Variants in KCTD15 observed in about 807,000 individuals in gnomAD.
KCTD15 encodes BTB/POZ domain-containing protein KCTD15.
In KCTD15, 11 loss-of-function variants were observed where a neutral mutation model predicts 27.2. That is an observed-to-expected ratio of 0.41 (90% CI 0.25 to 0.67). The LOEUF (loss-of-function observed/expected upper bound fraction) is 0.67. Ranked by LOEUF, KCTD15 falls within the 30% of genes least tolerant of loss-of-function variation. KCTD15 has a pLI of 0.35. For missense variants in KCTD15, 350 were observed against 409.3 expected (o/e 0.86, Z 1.25); for synonymous variants, 163 against 176.0 (o/e 0.93, Z 0.58).
chr19:33,805,674 C>T (rs1173330208), intron 4 of KCTD15, among the ~76,000 whole-genome samples: 1 of 152,212 alleles, frequency 6.6e-6, no homozygotes, highest in African/African-American at 2.4e-5. Context: ...GTGGCCCTGC[C>T]TGCTGAAGGA....
At chr19:33,805,763 T>C (rs1299202843) in intron 4 of KCTD15, among the ~76,000 whole-genome samples, 2 of 152,116 alleles carry the variant, frequency 1.3e-5, no homozygotes, top group Non-Finnish European at 2.9e-5. Context: ...CTCCCACCCC[T>C]CTTTAGGGTT....
chr19:33,801,151 T>C lies in KCTD15; in HGVS notation c.67-16T>C. On this transcript the variant is annotated splice_polypyrimidine_tract_variant and intron_variant, in intron 3 of 6. Transcript: ENST00000683859. Reference sequence around the variant, plus strand: ...CGCTTTGAAACTCTTGTGTTCCGCTTTGTTTCCATCTCTAGGAGGGAGGAA... The same window carrying C: ...CGCTTTGAAACTCTTGTGTTCCGCTCTGTTTCCATCTCTAGGAGGGAGGAA... 3 of 1,578,020 alleles carry C rather than the reference T, an allele frequency of 1.9e-6. No homozygotes were observed. The highest frequency in any genetic ancestry group is 2.6e-6 in the Non-Finnish European group (3 of 1,160,164).
At chr19:33,809,190 T>C (rs779844828) in intron 5 of KCTD15, among the ~76,000 whole-genome samples, 4 of 151,620 alleles carry the variant, frequency 2.6e-5, no homozygotes, top group Non-Finnish European at 4.4e-5. Flanking sequence ...GACAGGAGAA[T>C]TGCTTGAACC....
chr19:33,800,401 C>T (rs1975488705), intron 2 of KCTD15, 27 bp from the exon 3 acceptor site: 1 of 1,535,504 alleles, frequency 6.5e-7, no homozygotes, highest in South Asian at 1.2e-5. Flanking sequence ...AATAAGCCTT[C>T]TCTGGTTTTG....
intron 1 of KCTD15, among the ~76,000 whole-genome samples, chr19:33,798,032 C>T (rs287105): frequency 0.13 from 19,116 of 152,086 alleles, 1,556 homozygotes; most frequent in African/African-American, 0.23. Context: ...TTGGCCCAAG[C>T]CCTCTCCCGT....
At chr19:33,803,995 C>A (rs778125342) in intron 4 of KCTD15, among the ~76,000 whole-genome samples, 1 of 152,134 alleles carries the variant, frequency 6.6e-6, no homozygotes, top group Admixed American at 6.5e-5. Context: ...TGGAGGACTT[C>A]GGAAGCCGGC....
chr19:33,811,134 G>A, intron 5 of KCTD15, 113 bp from the exon 6 acceptor site: 1 of 868,526 alleles, frequency 1.2e-6, no homozygotes, highest in Non-Finnish European at 1.7e-6. Context: ...AATACCCTGC[G>A]AGTCGCAGTT....
In KCTD15 at chr19:33,813,030, G is replaced by C. The variant is rs755254543; in HGVS notation, c.*82G>C. ...GTTCTGCCTGTGTATACTTGGCCGT[G>C]GGCATGAGACCGAGGGTGAGGCTGG... On this transcript the variant is annotated 3_prime_UTR_variant, in exon 7 of 7. Transcript: ENST00000683859. 1.9e-5 allele frequency: 26 copies of C among 1,401,616 alleles called. No homozygotes were observed. The highest frequency in any genetic ancestry group is 1.1e-4 in the South Asian group (9 of 79,828). 86.8% of individuals were successfully genotyped at this position (1,401,616 alleles called of 1,614,324 possible). A position where few individuals can be genotyped will look rare whatever the true frequency, so the allele number is the denominator to read the frequency against.
intron 5 of KCTD15, among the ~76,000 whole-genome samples, chr19:33,809,726 C>T (rs1975829797): frequency 2.0e-5 from 3 of 152,084 alleles, no homozygotes; most frequent in South Asian, 4.2e-4. Flanking sequence ...TTATTATTAT[C>T]CTGGCATGAT....
At chr19:33,797,265 T>C (rs1975352771) in intron 1 of KCTD15, 2 of 294,592 alleles carry the variant, frequency 6.8e-6, no homozygotes, top group Admixed American at 4.5e-5. Context: ...TGTGTGTGTG[T>C]GTGTGTGTGT....
chr19:33,811,176 C>CA, intron 5 of KCTD15, 71 bp from the exon 6 acceptor site: 3 of 1,004,298 alleles, frequency 3.0e-6, no homozygotes, highest in East Asian at 5.4e-5. Context: ...GGCAGGCCGC[C>CA]TCCCCTCTCC....
chr19:33,801,280 C>G lies in KCTD15; in HGVS notation c.180C>G (p.Ile60Met). The change falls in exon 4 of 7, where the codon ATC becomes ATG. Residue 60 changes from isoleucine (I) to methionine (M), a missense_variant. Ile to Met is a conservative substitution (Grantham distance 10, BLOSUM62 1). This residue lies in a region of KCTD15 where 54 missense variants were observed against 101.8 expected (regional missense o/e 0.53). Transcript: ENST00000683859. ...CCAAGTCCAATGCACCTGTGCACAT[C>G]GATGTGGGCGGCCACATGTACACCA... ...QLTKSNAPVH[I>M]DVGGHMYTSS... 6.2e-7 allele frequency: 1 copy of G among 1,613,492 alleles called. No individual in the cohort carries two copies. Among genetic ancestry groups the G allele is most frequent in the Non-Finnish European group, 8.5e-7 (1 of 1,179,782 alleles).
chr19:33,804,919 G>A (rs942357642), intron 4 of KCTD15, among the ~76,000 whole-genome samples: 2 of 152,182 alleles, frequency 1.3e-5, no homozygotes, highest in African/African-American at 4.8e-5. Flanking sequence ...CCACGAGACA[G>A]CCTTGCCCTT....
rs752927860 is a variant in KCTD15 at position 33,806,897 on chromosome 19, G to A, written c.277G>A (p.Val93Ile). The change falls in exon 5 of 7, where the codon GTC becomes ATC. Residue 93 changes from valine (V) to isoleucine (I), a missense_variant. This residue lies in a region of KCTD15 where 54 missense variants were observed against 101.8 expected (regional missense o/e 0.53). Coordinates refer to ENST00000683859, the MANE Select transcript of KCTD15 (RefSeq NM_001129994.2). ...CCTCTTCAATGGCACTGAACCCATC[G>A]TCCTGGACAGTTTGAAGCAACATTA... ...SRLFNGTEPIVLDSLKQHYFI... is the reference protein window; with the variant it reads ...SRLFNGTEPIILDSLKQHYFI... The A allele has an allele frequency of 3.7e-6, 6 of 1,614,038 alleles. No homozygotes were observed. Among genetic ancestry groups the A allele is most frequent in the South Asian group, 1.1e-5 (1 of 91,084 alleles).
At chr19:33,810,945 T>G (rs1013340254) in intron 5 of KCTD15, among the ~76,000 whole-genome samples, 1 of 152,032 alleles carries the variant, frequency 6.6e-6, no homozygotes, top group African/African-American at 2.4e-5. Flanking sequence ...TAGTGGAGCT[T>G]CCAGGTCTTT....
intron 1 of KCTD15, among the ~76,000 whole-genome samples, chr19:33,797,800 A>T (rs1408290525): frequency 6.6e-6 from 1 of 152,352 alleles, no homozygotes; most frequent in East Asian, 1.9e-4. Context: ...ACGAGTGAAT[A>T]ACAGCATTAG....
intron 4 of KCTD15, 27 bp from the exon 5 acceptor site, chr19:33,806,836 A>C (rs752725732): frequency 4.6e-5 from 74 of 1,609,394 alleles, no homozygotes; most frequent in Non-Finnish European, 1.4e-5. Flanking sequence ...ATCCCTTCAG[A>C]CATCCCACCT....
chr19:33,795,319 T>C (rs1334043340), upstream of KCTD15, among the ~76,000 whole-genome samples: 1 of 152,198 alleles, frequency 6.6e-6, no homozygotes, highest in African/African-American at 2.4e-5. Context: ...AAGCGCTGTC[T>C]GGACGCTCTC....
upstream of KCTD15, chr19:33,795,802 C>T (rs1265414479): frequency 6.6e-6 from 1 of 151,968 alleles, no homozygotes; most frequent in Non-Finnish European, 1.5e-5. Context: ...TTGGCTGCCG[C>T]CGTCTCCATC....
Sources: allele counts gnomAD v4.1 joint callset (sites outside exome capture counted in the v4.1 genomes callset), GRCh38; gene constraint gnomAD v4.1.1; regional missense constraint gnomAD v4.1.1; transcripts MANE v1.5; gene names NCBI Gene and HGNC (gene_info 2026-07-23, HGNC 2026-07-21).